The following LRRC8D variants were observed in gnomAD, a reference collection of about 807,000 sequenced individuals.
LRRC8D encodes the protein leucine rich repeat containing 8 VRAC subunit D.
LRRC8D carries 20 observed loss-of-function variants against 55.8 expected under a neutral mutation model. That is an observed-to-expected ratio of 0.36 (90% CI 0.25 to 0.52). LRRC8D has a LOEUF of 0.52. LRRC8D is among the 20% of genes least tolerant of loss of function. The pLI, the probability that LRRC8D is intolerant of heterozygous loss-of-function variation, is 0.93. For synonymous variants in LRRC8D, 352 were observed against 377.0 expected (o/e 0.93, Z 0.77); for missense variants, 651 against 1,030.8 (o/e 0.63, Z 5.05).
intron 2 of LRRC8D, among the ~76,000 whole-genome samples, chr1:89,857,099 C>T (rs915437788): frequency 2.6e-5 from 4 of 151,920 alleles, no homozygotes; most frequent in Admixed American, 6.6e-5. Flanking sequence ...GAGTAATTAT[C>T]GGGGTCAGGC....
In LRRC8D at chr1:89,880,456, A is replaced by ATT. The variant is rs199892284; in HGVS notation, c.-3+36688_-3+36689dup. ...ATCAGAAAGAAGAGACCTAGGTTTG[A>ATT]TTTTTTTTTTTTTTTGGCCTACCAT... On this transcript the variant is annotated intron_variant, in intron 2 of 2. Coordinates refer to ENST00000337338, the MANE Select transcript of LRRC8D (RefSeq NM_001134479.2). 8.8e-3 allele frequency among the ~76,000 whole-genome samples: 1,220 copies of ATT among 138,596 alleles called. 14 individuals are homozygous for ATT. The highest frequency in any genetic ancestry group is 0.03 in the African/African-American group (1,125 of 37,474). 90.9% of individuals were successfully genotyped at this position (138,596 alleles called of 152,430 possible). A position where few individuals can be genotyped will look rare whatever the true frequency, so the allele number is the denominator to read the frequency against.
intron 2 of LRRC8D, among the ~76,000 whole-genome samples, chr1:89,891,681 T>C (rs1022856719): frequency 6.6e-6 from 1 of 152,264 alleles, no homozygotes; most frequent in Non-Finnish European, 1.5e-5. Flanking sequence ...TTAGTAATAA[T>C]GATAACCACA....
chr1:89,851,529 G>A (rs1375715615), intron 2 of LRRC8D, among the ~76,000 whole-genome samples: 1 of 148,288 alleles, frequency 6.7e-6, no homozygotes, highest in East Asian at 2.0e-4. Flanking sequence ...TTTTTTTTGA[G>A]ACGAGAGTCT....
chr1:89,873,630 G>A (rs1662076719), intron 2 of LRRC8D, among the ~76,000 whole-genome samples: 1 of 152,190 alleles, frequency 6.6e-6, no homozygotes, highest in Non-Finnish European at 1.5e-5. Context: ...GTTAAAATAT[G>A]AAACATATCT....
At chr1:89,897,449 G>A (rs1400263650) in intron 2 of LRRC8D, among the ~76,000 whole-genome samples, 1 of 152,168 alleles carries the variant, frequency 6.6e-6, no homozygotes, top group Non-Finnish European at 1.5e-5. Context: ...GATTGAGTTG[G>A]TGTAGTATAT....
intron 2 of LRRC8D, among the ~76,000 whole-genome samples, chr1:89,870,468 C>A (rs61579846): frequency 1.3e-5 from 2 of 151,460 alleles, no homozygotes; most frequent in Non-Finnish European, 2.9e-5. Context: ...AAAGCGAGAC[C>A]CTGTATCAAA....
At chr1:89,921,498 C>A (rs770198829) in intron 2 of LRRC8D, among the ~76,000 whole-genome samples, 23 of 152,082 alleles carry the variant, frequency 1.5e-4, no homozygotes, top group Middle Eastern at 3.2e-3. Flanking sequence ...CCTCCTAGTG[C>A]AGATAAACTT....
chr1:89,857,747 T>C (rs1661595328), intron 2 of LRRC8D, among the ~76,000 whole-genome samples: 2 of 152,222 alleles, frequency 1.3e-5, no homozygotes, highest in Non-Finnish European at 2.9e-5. Context: ...CAATGAAAAT[T>C]GAATCCTCAG....
chr1:89,834,241 T>C (rs1216393613), intron 1 of LRRC8D, among the ~76,000 whole-genome samples: 1 of 152,182 alleles, frequency 6.6e-6, no homozygotes, highest in Non-Finnish European at 1.5e-5. Context: ...GCAAATGCCT[T>C]TTTTGAGTAA....
chr1:89,926,461 G>T (rs961334851), intron 2 of LRRC8D, among the ~76,000 whole-genome samples: 2 of 152,208 alleles, frequency 1.3e-5, no homozygotes, highest in Non-Finnish European at 2.9e-5. Context: ...AATTCCTAGT[G>T]AATGTCAGGA....
Position 89,933,864 on chromosome 1 carries a change from C to T in LRRC8D, c.796C>T (p.Pro266Ser), listed in dbSNP as rs768669426. The T allele has an allele frequency of 9.9e-6, 16 of 1,613,648 alleles. No individual in the cohort carries two copies. The highest frequency in any genetic ancestry group is 8.8e-5 in the South Asian group (8 of 91,056). ...KTGFKFSAEK[P>S]VIEVPSMTIL... ...TGGCTTTAAATTTTCAGCTGAGAAG[C>T]CTGTGATTGAAGTTCCCAGCATGAC... The change falls in exon 3 of 3, where the codon CCT (proline) becomes TCT (serine). Residue 266 changes from proline to serine, a missense_variant. Transcript: ENST00000337338. The surrounding 1 kb of genome is among the most constrained non-coding windows in gnomAD (Gnocchi z 7.0).
chr1:89,898,869 G>GT (rs1662778219), intron 2 of LRRC8D, among the ~76,000 whole-genome samples: 1 of 152,318 alleles, frequency 6.6e-6, no homozygotes, highest in Non-Finnish European at 1.5e-5. Flanking sequence ...GAGGAATGTT[G>GT]TGTTTCCATC....
chr1:89,837,644 A>G (rs1311603425), intron 1 of LRRC8D, among the ~76,000 whole-genome samples: 1 of 152,256 alleles, frequency 6.6e-6, no homozygotes, highest in Non-Finnish European at 1.5e-5. Flanking sequence ...GGTTGTTGTC[A>G]GGAATCATTG....
chr1:89,905,673 A>G (rs766815594), intron 2 of LRRC8D, among the ~76,000 whole-genome samples: 1 of 152,166 alleles, frequency 6.6e-6, no homozygotes, highest in Non-Finnish European at 1.5e-5. Flanking sequence ...TTATCCCTGA[A>G]TTAGATAAAA....
At chr1:89,895,140 A>C in intron 2 of LRRC8D, among the ~76,000 whole-genome samples, 1 of 152,328 alleles carries the variant, frequency 6.6e-6, no homozygotes, top group Non-Finnish European at 1.5e-5. Context: ...TTGGAAACAA[A>C]ATTATTACAT....
chr1:89,822,908 G>A (rs1299620016), intron 1 of LRRC8D, among the ~76,000 whole-genome samples: 1 of 152,156 alleles, frequency 6.6e-6, no homozygotes, highest in African/African-American at 2.4e-5. Context: ...TAAAATCCAA[G>A]TGCAAGATGG....
At position 89,902,463 on chromosome 1, in the gene LRRC8D, G is replaced by A. The variant is rs147788910; in HGVS notation, c.-2-30604G>A. 6.8e-3 allele frequency among the ~76,000 whole-genome samples: 1,035 copies of A among 152,050 alleles called. 11 individuals carry two copies. The highest frequency in any genetic ancestry group is 0.024 in the African/African-American group (982 of 41,462). ...AGCCTGCCCTCTCTGATAAGCTGCC[G>A]TAGCCACTGAGAAGAATGACCAAGT... On this transcript the variant is annotated intron_variant, in intron 2 of 2. Coordinates refer to ENST00000337338, the MANE Select transcript of LRRC8D (RefSeq NM_001134479.2).
chr1:89,892,818 C>T (rs1269552658), intron 2 of LRRC8D, among the ~76,000 whole-genome samples: 5 of 152,182 alleles, frequency 3.3e-5, no homozygotes, highest in Non-Finnish European at 7.3e-5. Context: ...CTGTGCCTGG[C>T]CGTAGATTGA....
chr1:89,866,434 G>A (rs1661851713), intron 2 of LRRC8D, among the ~76,000 whole-genome samples: 1 of 152,164 alleles, frequency 6.6e-6, no homozygotes, highest in South Asian at 2.1e-4. Flanking sequence ...AACACAAATT[G>A]AAAGATTATT....
Sources: allele counts gnomAD v4.1 joint callset (sites outside exome capture counted in the v4.1 genomes callset), GRCh38; gene constraint gnomAD v4.1.1; non-coding constraint Gnocchi (gnomAD v3.1); transcripts MANE v1.5; gene names NCBI Gene and HGNC (gene_info 2026-07-23, HGNC 2026-07-21).